Variants in TENM1 observed in about 807,000 individuals in gnomAD.
TENM1 encodes the protein teneurin transmembrane protein 1, also known as teneurin-1.
TENM1 carries 35 observed loss-of-function variants against 174.8 expected under a neutral mutation model. The observed-to-expected ratio is 0.20, with a 90% CI of 0.15 to 0.27. The LOEUF is 0.27. Among genes scored for constraint, TENM1 ranks in the 10% least tolerant of loss-of-function variants. TENM1 has a pLI of 1.00. For synonymous variants in TENM1, 781 were observed against 798.7 expected (o/e 0.98, Z 0.37); for missense variants, 1,633 against 2,130.1 (o/e 0.77, Z 4.59).
chrX:124,500,942 A>G (rs745957811), intron 19 of TENM1, among the ~76,000 whole-genome samples: 90 of 111,660 alleles, frequency 8.1e-4, no homozygotes, highest in African/African-American at 2.9e-3. Flanking sequence ...ATCAATGGAC[A>G]TTTACTTCTC....
intron 23 of TENM1, among the ~76,000 whole-genome samples, chrX:124,452,595 C>T (rs985110332): frequency 9.0e-5 from 10 of 110,895 alleles, no homozygotes; most frequent in African/African-American, 3.3e-4. Context: ...GCACTATTCA[C>T]AATAGCAAAG....
chrX:124,459,132 C>T lies in TENM1; in HGVS notation c.3950-5641G>A, dbSNP rs183757764. Among the ~76,000 whole-genome samples the T allele has an allele frequency of 4.3e-3, 479 of 110,741 alleles. 4 individuals are homozygous for T. The highest frequency in any genetic ancestry group is 0.015 in the African/African-American group (459 of 30,465). ...ATGGGAGCATCCTTGGGGGATGGGC[C>T]GGGGAAATGAAAGTCACAAGTGATT... On this transcript the variant is annotated intron_variant, in intron 22 of 31. Transcript: ENST00000422452.
At chrX:125,155,553 G>A in the TENM1 span, among the ~76,000 whole-genome samples, 3 of 109,730 alleles carry the variant, frequency 2.7e-5, no homozygotes, top group Non-Finnish European at 3.8e-5. Flanking sequence ...GGCTGCACAG[G>A]AGCCCACGGA....
In TENM1 at chrX:124,850,665, T is replaced by A. The variant is rs746463868; in HGVS notation, c.535+43631A>T. Among the ~76,000 whole-genome samples the A allele has an allele frequency of 4.5e-5, 5 of 110,918 alleles. No individual in the cohort carries two copies. In the South Asian group the frequency reaches 1.9e-3, roughly 42 times the overall value. On this transcript the variant is annotated intron_variant, in intron 3 of 31. Coordinates refer to ENST00000422452, the Ensembl canonical transcript of TENM1. Reference sequence around the variant, plus strand: ...GGCAAAGGCAGAAACGGTGTCATGATGAACAAATTAAAGTCCTACCACAAA... The same window carrying A: ...GGCAAAGGCAGAAACGGTGTCATGAAGAACAAATTAAAGTCCTACCACAAA...
intron 5 of TENM1, among the ~76,000 whole-genome samples, chrX:124,677,482 A>C (rs778132820): frequency 1.5e-3 from 168 of 111,482 alleles, no homozygotes; most frequent in Non-Finnish European, 2.7e-3. Context: ...GATATCTATC[A>C]CTATTTAAAT....
intron 23 of TENM1, among the ~76,000 whole-genome samples, chrX:124,438,342 T>A (rs1327901711): frequency 9.1e-6 from 1 of 110,147 alleles, no homozygotes; most frequent in Non-Finnish European, 1.9e-5. Context: ...GTATCTTAGA[T>A]ATTTCTGTAT....
intron 4 of TENM1, among the ~76,000 whole-genome samples, chrX:124,721,024 A>T (rs546974099): frequency 8.9e-6 from 1 of 112,257 alleles, no homozygotes; most frequent in South Asian, 3.7e-4. Flanking sequence ...CAAGTCACAG[A>T]ATGACAGAGA....
the TENM1 span, among the ~76,000 whole-genome samples, chrX:125,158,448 C>G: frequency 9.9e-6 from 1 of 101,337 alleles, no homozygotes; most frequent in African/African-American, 3.6e-5. Flanking sequence ...CTGAGTCAAT[C>G]ATGGTCCTTC....
At chrX:124,521,015 T>C (rs191247392) in intron 17 of TENM1, among the ~76,000 whole-genome samples, 55 of 111,615 alleles carry the variant, frequency 4.9e-4, no homozygotes, top group Admixed American at 4.7e-3. Context: ...GGATTGCATT[T>C]ATTTTTTCCC....
At chrX:125,153,082 G>A in the TENM1 span, among the ~76,000 whole-genome samples, 2 of 111,609 alleles carry the variant, frequency 1.8e-5, no homozygotes, top group Non-Finnish European at 1.9e-5. Context: ...TAGTGCTTAC[G>A]GACTGCCAAC....
chrX:124,769,763 C>G (rs969304539), intron 3 of TENM1, among the ~76,000 whole-genome samples: 3 of 112,005 alleles, frequency 2.7e-5, no homozygotes, highest in African/African-American at 9.7e-5. Context: ...CAATGTGTAT[C>G]TATCTGACTG....
At chrX:124,996,546 AAAC>A in the TENM1 span, among the ~76,000 whole-genome samples, 5 of 92,748 alleles carry the variant, frequency 5.4e-5, no homozygotes, top group African/African-American at 1.9e-4. Flanking sequence ...AAAAAAAAAA[AAAC>A]CACACACACA....
intron 29 of TENM1, among the ~76,000 whole-genome samples, chrX:124,385,360 G>A (rs1300120464): frequency 8.9e-6 from 1 of 112,221 alleles, no homozygotes; most frequent in Non-Finnish European, 1.9e-5. Context: ...GCTAGTTTCA[G>A]TGAGACTTAT....
chrX:124,746,637 A>G (rs2053925829), intron 3 of TENM1, among the ~76,000 whole-genome samples: 1 of 112,047 alleles, frequency 8.9e-6, no homozygotes, highest in Admixed American at 9.5e-5. Flanking sequence ...AACATCACCC[A>G]GAATACAAAA....
intron 18 of TENM1, among the ~76,000 whole-genome samples, chrX:124,508,923 T>A (rs919465157): frequency 3.6e-5 from 4 of 111,775 alleles, no homozygotes; most frequent in Non-Finnish European, 7.5e-5. Context: ...CTTTGTTCGG[T>A]CATTCAACAA....
At chrX:124,575,782 T>C (rs1215064888) in intron 11 of TENM1, among the ~76,000 whole-genome samples, 1 of 112,048 alleles carries the variant, frequency 8.9e-6, no homozygotes, top group Non-Finnish European at 1.9e-5. Context: ...CCTGTTTCCT[T>C]GCTTGCTAAA....
At chrX:124,432,391 G>A (rs900586631) in intron 23 of TENM1, among the ~76,000 whole-genome samples, 25 of 108,394 alleles carry the variant, frequency 2.3e-4, no homozygotes, top group Non-Finnish European at 3.5e-4. Flanking sequence ...TACACTCCCA[G>A]TTTATTTATT....
At chrX:124,669,867 T>C (rs765042247) in intron 6 of TENM1, among the ~76,000 whole-genome samples, 1 of 112,388 alleles carries the variant, frequency 8.9e-6, no homozygotes, top group Admixed American at 9.4e-5. Flanking sequence ...CTATCACGAA[T>C]AGACTCTGGG....
Position 124,472,659 on chromosome X carries a change from A to C in TENM1, c.3949+9073T>G, listed in dbSNP as rs7057054. Among the ~76,000 whole-genome samples the C allele has an allele frequency of 4.7e-3, 521 of 111,388 alleles. 2 individuals carry two copies. The highest frequency in any genetic ancestry group is 0.016 in the African/African-American group (482 of 30,709). ...CATGTTGTTTGAATTTTACACTATA[A>C]AACTACTAATTTATCCAGTATTTCT... On this transcript the variant is annotated intron_variant, in intron 22 of 31. Coordinates refer to ENST00000422452, the Ensembl canonical transcript of TENM1.
Sources: gnomAD v4.1 joint callset for allele counts (sites outside exome capture counted in the v4.1 genomes callset) on GRCh38, gnomAD v4.1.1 for gene constraint, MANE v1.5 for transcripts, NCBI Gene and HGNC (gene_info 2026-07-23, HGNC 2026-07-21) for gene names.